Variants in FOXD4 observed in about 807,000 individuals in gnomAD.
The protein encoded by FOXD4 is forkhead box D4, also known as forkhead box protein D4.
In FOXD4, 22 loss-of-function variants were observed where a neutral mutation model predicts 26.5. That is an observed-to-expected ratio of 0.83 (90% CI 0.59 to 1.18). The LOEUF (loss-of-function observed/expected upper bound fraction) is 1.18, where lower values mean the gene tolerates loss of function less well. FOXD4 is among the 50% of genes most tolerant of loss of function. The probability of loss-of-function intolerance (pLI) is 0.00; values close to 1 mark genes in which losing one functional copy is unlikely to be tolerated. For synonymous variants in FOXD4, 258 were observed against 273.7 expected, an observed-to-expected ratio of 0.94 and a Z score of 0.57; for missense variants, 625 against 605.8, an observed-to-expected ratio of 1.03 and a Z score of -0.33.
rs10959306 is a variant in FOXD4, at chr9:117,934, C to A, written c.186G>T (p.Gly62=). 2 of 1,611,608 alleles carry A rather than the reference C, an allele frequency of 1.2e-6. No individual in the cohort carries two copies. Among genetic ancestry groups the A allele is most frequent in the South Asian group, 1.1e-5 (1 of 90,958 alleles). ...QPGLQVARWG[G]VALPREHIEG... The stretch of plus-strand genomic sequence containing the variant: ...CGATGTGCTCTCGGGGAAGCGCAAC[C>A]CCGCCCCACCGGGCCACCTGCAGCC... The change falls in exon 1 of 1, where the codon GGG becomes GGT. Residue 62 remains glycine, a synonymous_variant. Transcript: ENST00000382500.
chr9:118,173 C>A lies in FOXD4; in HGVS notation c.-54G>T. 1.9e-6 allele frequency: 3 copies of A among 1,607,524 alleles called. No individual in the cohort carries two copies. The highest frequency in any genetic ancestry group is 2.2e-5 in the East Asian group (1 of 44,784). Reference sequence around the variant, plus strand: ...ATGTGGCGGCCGGATCACCTGGCCCCGGCGGGCTGAGCTGGAAGCCCGGGA... The same window carrying A: ...ATGTGGCGGCCGGATCACCTGGCCCAGGCGGGCTGAGCTGGAAGCCCGGGA... On this transcript the variant is annotated 5_prime_UTR_variant, in exon 1 of 1. Coordinates refer to ENST00000382500, the MANE Select transcript of FOXD4 (RefSeq NM_207305.5).
rs1394381585 is a variant in FOXD4 at position 117,772 on chromosome 9, G to A, written c.348C>T (p.Ala116=). The stretch of plus-strand genomic sequence containing the variant: ...GGCGCTTGTGCGGGCTTTGCAGGAT[G>A]GCCATGGTGATGAGCGCGATGTACG... ...PSSYIALITM[A]ILQSPHKRLT... is the part of the protein sequence containing the mutation. Residue 116 remains alanine (A), a synonymous_variant, in exon 1 of 1, where the codon GCC becomes GCT. Coordinates refer to ENST00000382500, the MANE Select transcript of FOXD4 (RefSeq NM_207305.5). 1.2e-6 allele frequency: 2 copies of A among 1,613,318 alleles called. No homozygotes were observed. The highest frequency in any genetic ancestry group is 1.1e-5 in the South Asian group (1 of 91,026).
Position 116,696 on chromosome 9 carries a change from G to T in FOXD4, c.*104C>A. The T allele has an allele frequency of 6.7e-7, 1 of 1,499,258 alleles. No homozygotes were observed. The highest frequency in any genetic ancestry group is 8.9e-7 in the Non-Finnish European group (1 of 1,119,868). The allele number at this position is 1,499,258 out of a possible 1,614,324, so 92.9% of individuals were successfully genotyped here. A position where few individuals can be genotyped will look rare whatever the true frequency, so the allele number is the denominator to read the frequency against. On this transcript the variant is annotated 3_prime_UTR_variant, in exon 1 of 1. Coordinates refer to ENST00000382500, the MANE Select transcript of FOXD4 (RefSeq NM_207305.5). Reference sequence around the variant, plus strand: ...CTTTCTAACCATTTTGCAGGGAACAGAAGTTCGTGTTTGCTCTCCAGCGGG... The same window carrying T: ...CTTTCTAACCATTTTGCAGGGAACATAAGTTCGTGTTTGCTCTCCAGCGGG...
Position 117,364 on chromosome 9 carries a change from C to G in FOXD4, c.756G>C (p.Gly252=). Residue 252 remains glycine (G), a synonymous_variant, in exon 1 of 1, where the codon GGG becomes GGC. Transcript: ENST00000382500. ...GGTGCAGCAGAGCGTAAGGGCGTCTCCCGGGGCCGGTGTTGGGGTAGGCCC... is the reference window on the plus strand; with the variant it reads ...GGTGCAGCAGAGCGTAAGGGCGTCTGCCGGGGCCGGTGTTGGGGTAGGCCC... The part of the protein sequence containing the change: ...VPGAYPNTGP[G]RRPYALLHPH... 2 of 1,579,642 alleles carry G rather than the reference C, an allele frequency of 1.3e-6. No homozygotes were observed. Among genetic ancestry groups the G allele is most frequent in the Non-Finnish European group, 1.7e-6 (2 of 1,169,766 alleles).
chr9:116,749 C>T lies in FOXD4; in HGVS notation c.*51G>A, dbSNP rs1819366056. The T allele has an allele frequency of 1.9e-6, 3 of 1,541,088 alleles. No homozygotes were observed. Among genetic ancestry groups the T allele is most frequent in the Admixed American group, 2.0e-5 (1 of 50,876 alleles). ...TCAGATGCACACGCCCAGTATGGGC[C>T]GCGCAAGGTGGAGTGAGCAGCTGCG... On this transcript the variant is annotated 3_prime_UTR_variant, in exon 1 of 1. Transcript: ENST00000382500.
Position 117,203 on chromosome 9 carries a change from C to A in FOXD4, c.917G>T (p.Arg306Met), listed in dbSNP as rs765226153. Residue 306 changes from arginine (R) to methionine (M), a missense_variant, in exon 1 of 1, where the codon AGG becomes ATG. Arg to Met is a moderately conservative substitution (Grantham distance 91). Coordinates refer to ENST00000382500, the MANE Select transcript of FOXD4 (RefSeq NM_207305.5). ...CCGGTGGCGACGCCAGACCCTTGCC[C>A]TCCTCCCAAGGCTGAGGACCAAGTG... ...SPHLVLSLGRRARVWRRHREA... is the reference protein window; with the variant it reads ...SPHLVLSLGRMARVWRRHREA... 3.1e-6 allele frequency: 5 copies of A among 1,610,358 alleles called. No homozygotes were observed. Among genetic ancestry groups the A allele is most frequent in the Non-Finnish European group, 4.2e-6 (5 of 1,179,858 alleles).
rs1218538353 is a variant in FOXD4 at position 117,047 on chromosome 9, C to T, written c.1073G>A (p.Cys358Tyr). ...CTGCTGTTGCTGCAAAATTGTCCGA[C>T]AGGCTTGACGGTCGCTGGAGCAGGG... Reference protein sequence around the residue: ...TAPCSSDRQACRTILQQQQRH... With the variant: ...TAPCSSDRQAYRTILQQQQRH... Residue 358 changes from cysteine (C) to tyrosine (Y), a missense_variant, in exon 1 of 1, where the codon TGT becomes TAT. Physicochemically the swap from Cys to Tyr is radical, Grantham distance 194. This residue lies in a region of FOXD4 where 134 missense variants were observed against 132.2 expected (regional missense o/e 1.01). Transcript: ENST00000382500. 1 of 1,612,082 alleles carries T rather than the reference C, an allele frequency of 6.2e-7. No homozygotes were observed. The highest frequency in any genetic ancestry group is 8.5e-7 in the Non-Finnish European group (1 of 1,179,862).
At position 117,603 on chromosome 9, in the gene FOXD4, C is replaced by G. The variant is rs746587827; in HGVS notation, c.517G>C (p.Gly173Arg). 2 of 1,613,916 alleles carry G rather than the reference C, an allele frequency of 1.2e-6. No individual in the cohort carries two copies. Among genetic ancestry groups the G allele is most frequent in the Non-Finnish European group, 1.7e-6 (2 of 1,180,046 alleles). Residue 173 changes from glycine (G) to arginine (R), a missense_variant, in exon 1 of 1, where the codon GGC (glycine) becomes CGC (arginine). Gly to Arg is a moderately radical substitution (Grantham distance 125). Around this residue, in one of 3 missense-constraint regions of FOXD4, gnomAD observed 399 missense variants for 329.4 expected, o/e 1.21. Coordinates refer to ENST00000382500, the MANE Select transcript of FOXD4 (RefSeq NM_207305.5). ...VKIPREPGRP[G>R]KGNYWSLDPA... ...TCCAGGCTCCAGTAGTTGCCCTTGC[C>G]TGGGCGGCCCGGCTCGCGGGGGATC...
At position 117,254 on chromosome 9, in the gene FOXD4, G is replaced by A; in HGVS notation, c.866C>T (p.Pro289Leu). 2 of 1,608,712 alleles carry A rather than the reference G, an allele frequency of 1.2e-6. No individual in the cohort carries two copies. The highest frequency in any genetic ancestry group is 1.7e-6 in the Non-Finnish European group (2 of 1,179,838). ...AGGGCTGCAGCACGGGAAGGGTGCCGGGGTCGCCAGGTCCGCGCCTTCTGC... is the reference window on the plus strand; with the variant it reads ...AGGGCTGCAGCACGGGAAGGGTGCCAGGGTCGCCAGGTCCGCGCCTTCTGC... ...KKAEGADLAT[P>L]APFPCCSPHL... is the part of the protein sequence containing the mutation. The change falls in exon 1 of 1, where the codon CCG (proline) becomes CTG (leucine). Residue 289 changes from proline (P) to leucine (L), a missense_variant. Pro to Leu is a moderately conservative substitution (Grantham distance 98). Around this residue, in one of 3 missense-constraint regions of FOXD4, gnomAD observed 92 missense variants for 144.2 expected, o/e 0.64. Coordinates refer to ENST00000382500, the MANE Select transcript of FOXD4 (RefSeq NM_207305.5).
In FOXD4 at chr9:117,160, A is replaced by C. The variant is rs1819382775; in HGVS notation, c.960T>G (p.Leu320=). Reference sequence around the variant, plus strand: ...CCTTGCATGATACTCTCAATGCTGAAAGAGATGCATCCGCCTCCCGGTGGC... The same window carrying C: ...CCTTGCATGATACTCTCAATGCTGACAGAGATGCATCCGCCTCCCGGTGGC... ...WRRHREADAS[L]SALRVSCKGS... Residue 320 remains leucine, a synonymous_variant, in exon 1 of 1, where the codon CTT becomes CTG. Coordinates refer to ENST00000382500, the MANE Select transcript of FOXD4 (RefSeq NM_207305.5). 2 of 1,611,644 alleles carry C rather than the reference A, an allele frequency of 1.2e-6. No homozygotes were observed. Among genetic ancestry groups the C allele is most frequent in the African/African-American group, 1.3e-5 (1 of 74,916 alleles).
Position 118,221 on chromosome 9 carries a change from C to A in FOXD4, c.-102G>T. 1.2e-6 allele frequency: 2 copies of A among 1,605,578 alleles called. No homozygotes were observed. Among genetic ancestry groups the A allele is most frequent in the Non-Finnish European group, 1.7e-6 (2 of 1,175,910 alleles). On this transcript the variant is annotated 5_prime_UTR_variant, in exon 1 of 1. Coordinates refer to ENST00000382500, the MANE Select transcript of FOXD4 (RefSeq NM_207305.5). ...GGATGAATGTTGCAAGAAGCAGGAA[C>A]GCTAGTGGTTACCCTTTGGGATGTT...
At position 116,272 on chromosome 9, in the gene FOXD4, GCTTAATTTTAACAC is replaced by G. The variant is rs1345145160; in HGVS notation, c.*514_*527del. 1.1e-5 allele frequency: 2 copies of G among 177,228 alleles called. No homozygotes were observed. The highest frequency in any genetic ancestry group is 2.7e-5 in the Non-Finnish European group (2 of 73,568). The allele number at this position is 177,228 out of a possible 1,614,324, so 11.0% of individuals were successfully genotyped here. ...CATTTTATTTCGTCTATATAACTAG[GCTTAATTTTAACAC>G]CTTAATTTTAACATTAAAGATGGCA... On this transcript the variant is annotated 3_prime_UTR_variant, in exon 1 of 1. Transcript: ENST00000382500.
In FOXD4 at chr9:118,145, G is replaced by A. The variant is rs779781290; in HGVS notation, c.-26C>T. Reference sequence around the variant, plus strand: ...GGCGGAGCAGGTGCTTCAGTCGCAGGGGATGTGGCGGCCGGATCACCTGGC... The same window carrying A: ...GGCGGAGCAGGTGCTTCAGTCGCAGAGGATGTGGCGGCCGGATCACCTGGC... On this transcript the variant is annotated 5_prime_UTR_variant, in exon 1 of 1. Coordinates refer to ENST00000382500, the MANE Select transcript of FOXD4 (RefSeq NM_207305.5). The A allele has an allele frequency of 1.9e-6, 3 of 1,605,534 alleles. No individual in the cohort carries two copies. Among genetic ancestry groups the A allele is most frequent in the Non-Finnish European group, 2.5e-6 (3 of 1,178,048 alleles).
rs758812804 is a variant in FOXD4, at chr9:117,642, C to A, written c.478G>T (p.Asp160Tyr). The A allele has an allele frequency of 6.2e-7, 1 of 1,613,884 alleles. No homozygotes were observed. The highest frequency in any genetic ancestry group is 1.1e-5 in the South Asian group (1 of 91,064). Residue 160 changes from aspartate (D) to tyrosine (Y), a missense_variant, in exon 1 of 1, where the codon GAC (aspartate) becomes TAC (tyrosine). Asp to Tyr is a radical substitution (Grantham distance 160). Coordinates refer to ENST00000382500, the MANE Select transcript of FOXD4 (RefSeq NM_207305.5). Reference protein sequence around the residue: ...NSIRHNLSLNDCFVKIPREPG... With the variant: ...NSIRHNLSLNYCFVKIPREPG... ...TCGCGGGGGATCTTGACGAAGCAGT[C>A]GTTCAGCGAGAGGTTGTGGCGGATG... is the stretch of plus-strand genomic sequence containing the variant.
rs781276183 is a variant in FOXD4 at position 116,987 on chromosome 9, G to A, written c.1133C>T (p.Ala378Val). 4 of 1,612,010 alleles carry A rather than the reference G, an allele frequency of 2.5e-6. No homozygotes were observed. The highest frequency in any genetic ancestry group is 3.4e-6 in the Non-Finnish European group (4 of 1,179,826). ...GCCCAGCACCGCGCCCTTGGTGGGAGCGCAGCCGTTGGCGCAGTCCTCCTC... is the reference window on the plus strand; with the variant it reads ...GCCCAGCACCGCGCCCTTGGTGGGAACGCAGCCGTTGGCGCAGTCCTCCTC... ...HQEEDCANGC[A>V]PTKGAVLGGH... Residue 378 changes from alanine to valine, a missense_variant, in exon 1 of 1, where the codon GCT becomes GTT. Ala to Val is a moderately conservative substitution (Grantham distance 64, BLOSUM62 0). Around this residue, in one of 3 missense-constraint regions of FOXD4, gnomAD observed 134 missense variants for 132.2 expected, o/e 1.01. Coordinates refer to ENST00000382500, the MANE Select transcript of FOXD4 (RefSeq NM_207305.5).
At position 116,506 on chromosome 9, in the gene FOXD4, T is replaced by A; in HGVS notation, c.*294A>T. On this transcript the variant is annotated 3_prime_UTR_variant, in exon 1 of 1. Coordinates refer to ENST00000382500, the MANE Select transcript of FOXD4 (RefSeq NM_207305.5). Reference sequence around the variant, plus strand: ...GTGTTTTTGTTTGCTTGCTTGTTTTTCTTTTAATGCCAGAACAAAATACCC... The same window carrying A: ...GTGTTTTTGTTTGCTTGCTTGTTTTACTTTTAATGCCAGAACAAAATACCC... 1.9e-6 allele frequency: 1 copy of A among 527,292 alleles called. No homozygotes were observed. The highest frequency in any genetic ancestry group is 3.1e-5 in the East Asian group (1 of 32,200). The allele number at this position is 527,292 out of a possible 1,614,324, so 32.7% of individuals were successfully genotyped here.
Position 117,877 on chromosome 9 carries a change from C to T in FOXD4, c.243G>A (p.Glu81=), listed in dbSNP as rs7022056. The change falls in exon 1 of 1, where the codon GAG becomes GAA. Residue 81 remains glutamate, a synonymous_variant. Coordinates refer to ENST00000382500, the MANE Select transcript of FOXD4 (RefSeq NM_207305.5). ...GCGGTGCCCTGAACTCGGTGCCAAA[C>T]TCTGAGGGGTCGCTCGGGCCGCCGC... ...EGGGGPSDPS[E]FGTEFRAPPR... The T allele has an allele frequency of 0.24, 379,587 of 1,610,786 alleles. 31,974 individuals carry two copies. Among genetic ancestry groups the T allele is most frequent in the African/African-American group, 0.38 (28,142 of 74,464 alleles).
chr9:117,858 C>A lies in FOXD4; in HGVS notation c.262G>T (p.Ala88Ser). Residue 88 changes from alanine (A) to serine (S), a missense_variant, in exon 1 of 1, where the codon GCA (alanine) becomes TCA (serine). Physicochemically the swap from Ala to Ser is moderately conservative, Grantham distance 99. Around this residue, in one of 3 missense-constraint regions of FOXD4, gnomAD observed 399 missense variants for 329.4 expected, o/e 1.21. Coordinates refer to ENST00000382500, the MANE Select transcript of FOXD4 (RefSeq NM_207305.5). ...GAGGCCGCCGCAGACCTTGGCGGTG[C>A]CCTGAACTCGGTGCCAAACTCTGAG... ...DPSEFGTEFR[A>S]PPRSAAASED... The A allele has an allele frequency of 1.9e-6, 3 of 1,612,034 alleles. No homozygotes were observed. Among genetic ancestry groups the A allele is most frequent in the South Asian group, 2.2e-5 (2 of 90,984 alleles).
rs1417735935 is a variant in FOXD4, at chr9:116,947, G to A, written c.1173C>T (p.Ala391=). 5 of 1,611,432 alleles carry A rather than the reference G, an allele frequency of 3.1e-6. No individual in the cohort carries two copies. The highest frequency in any genetic ancestry group is 4.2e-6 in the Non-Finnish European group (5 of 1,179,478). ...KGAVLGGHLS[A]ASALLRYQAV... The stretch of plus-strand genomic sequence containing the variant: ...CCTGATACCGCAGCAGCGCCGACGC[G>A]GCCGACAGGTGCCCGCCCAGCACCG... The change falls in exon 1 of 1, where the codon GCC becomes GCT. Residue 391 remains alanine, a synonymous_variant. Coordinates refer to ENST00000382500, the MANE Select transcript of FOXD4 (RefSeq NM_207305.5).
Sources: allele counts gnomAD v4.1 joint callset, GRCh38; gene constraint gnomAD v4.1.1; regional missense constraint gnomAD v4.1.1; transcripts MANE v1.5; gene names NCBI Gene and HGNC (gene_info 2026-07-23, HGNC 2026-07-21).